The following MTCL3 variants were observed in gnomAD, a reference collection of about 807,000 sequenced individuals.
MTCL3 encodes MTCL family member 3.
chr6:127,508,110 G>A, the MTCL3 span, among the ~76,000 whole-genome samples: 2 of 152,042 alleles, frequency 1.3e-5, no homozygotes, highest in Non-Finnish European at 2.9e-5. Flanking sequence ...AAAATGTTAA[G>A]TAAACTACCA....
At chr6:127,480,470 A>G in the MTCL3 span, among the ~76,000 whole-genome samples, 1 of 152,252 alleles carries the variant, frequency 6.6e-6, no homozygotes, top group Non-Finnish European at 1.5e-5. Context: ...CAAATTAACA[A>G]AATGAAATAC....
At chr6:127,501,196 G>C in the MTCL3 span, among the ~76,000 whole-genome samples, 2 of 152,134 alleles carry the variant, frequency 1.3e-5, no homozygotes, top group African/African-American at 2.4e-5. Flanking sequence ...ATTAACACTA[G>C]TAGAATTAAA....
At chr6:127,515,394 TCTC>T in the MTCL3 span, 19 of 987,868 alleles carry the variant, frequency 1.9e-5, no homozygotes, top group Non-Finnish European at 2.7e-5. The surrounding 1 kb of genome is among the most constrained non-coding windows in gnomAD (Gnocchi z 4.3). Context: ...CCTTTCTTGT[TCTC>T]CTCCCTCTTC....
chr6:127,517,431 G>T, the MTCL3 span: 5 of 152,016 alleles, frequency 3.3e-5, no homozygotes, highest in African/African-American at 1.2e-4. Flanking sequence ...TTTCCCTTTT[G>T]GGAAATAATT....
chr6:127,473,344 T>C, the MTCL3 span: 7 of 1,546,690 alleles, frequency 4.5e-6, no homozygotes, highest in South Asian at 8.7e-5. Context: ...AAGAAAGTGA[T>C]GAAAATAATA....
the MTCL3 span, chr6:127,512,982 GT>G: frequency 6.2e-7 from 1 of 1,611,638 alleles, no homozygotes; most frequent in Non-Finnish European, 8.5e-7. Context: ...TTCATCTTCT[GT>G]TGTTGTTCTC....
the MTCL3 span, chr6:127,516,463 C>T: frequency 3.1e-6 from 5 of 1,599,694 alleles, no homozygotes; most frequent in African/African-American, 6.7e-5. Flanking sequence ...GATTGTCTGT[C>T]GCAGCGAACT....
the MTCL3 span, among the ~76,000 whole-genome samples, chr6:127,493,176 A>G: frequency 6.6e-6 from 1 of 152,230 alleles, no homozygotes; most frequent in Non-Finnish European, 1.5e-5. Context: ...GAGAAGAACA[A>G]TAACTTTAAA....
the MTCL3 span, among the ~76,000 whole-genome samples, chr6:127,487,989 GT>G: frequency 6.6e-6 from 1 of 152,130 alleles, no homozygotes; most frequent in Non-Finnish European, 1.5e-5. Flanking sequence ...AGCTGGTTCT[GT>G]CAACTACCAG....
chr6:127,513,918 A>T, the MTCL3 span, among the ~76,000 whole-genome samples: 136 of 152,370 alleles, frequency 8.9e-4, 1 homozygote, highest in East Asian at 0.019. Context: ...TGCTTAGTAC[A>T]TACTAAGCAC....
the MTCL3 span, chr6:127,512,863 G>A: frequency 1.3e-6 from 2 of 1,593,166 alleles, no homozygotes; most frequent in Non-Finnish European, 1.7e-6. Flanking sequence ...AAAATACATA[G>A]TACACCATGA....
At chr6:127,517,289 C>T in the MTCL3 span, among the ~76,000 whole-genome samples, 1 of 152,128 alleles carries the variant, frequency 6.6e-6, no homozygotes, top group African/African-American at 2.4e-5. Context: ...AAAATGCACC[C>T]AACTTCCTTT....
the MTCL3 span, chr6:127,482,779 A>G: frequency 1.7e-6 from 1 of 591,548 alleles, no homozygotes; most frequent in Non-Finnish European, 2.9e-6. This position sits in a 1 kb window ranked among gnomAD's most constrained non-coding sequence, Gnocchi z 4.1. Flanking sequence ...ATCTACAGCT[A>G]CATAATTGAT....
chr6:127,516,035 T>G, the MTCL3 span: 1 of 1,567,522 alleles, frequency 6.4e-7, no homozygotes, highest in Non-Finnish European at 8.6e-7. Context: ...CGCCAGCCCC[T>G]GGGCGGCGGC....
the MTCL3 span, among the ~76,000 whole-genome samples, chr6:127,492,170 G>C: frequency 6.6e-6 from 1 of 152,100 alleles, no homozygotes; most frequent in Non-Finnish European, 1.5e-5. Flanking sequence ...GCTGTTATCT[G>C]ACCATAAATA....
chr6:127,497,139 A>C, the MTCL3 span, among the ~76,000 whole-genome samples: 1 of 152,244 alleles, frequency 6.6e-6, no homozygotes, highest in Middle Eastern at 3.2e-3. Context: ...CTACAAAATC[A>C]CTGAATTGTA....
At chr6:127,475,667 G>A in the MTCL3 span, 1 of 1,590,414 alleles carries the variant, frequency 6.3e-7, no homozygotes, top group Non-Finnish European at 8.5e-7. The surrounding 1 kb of genome is among the most constrained non-coding windows in gnomAD (Gnocchi z 7.3). Flanking sequence ...CGGATGTTGC[G>A]CACCTCCTCC....
the MTCL3 span, among the ~76,000 whole-genome samples, chr6:127,503,905 G>A: frequency 6.6e-6 from 1 of 151,946 alleles, no homozygotes; most frequent in East Asian, 1.9e-4. Flanking sequence ...GAAACACCTT[G>A]CTTAATTACC....
At chr6:127,514,801 A>AT in the MTCL3 span, 1 of 1,598,214 alleles carries the variant, frequency 6.3e-7, no homozygotes, top group African/African-American at 1.3e-5. Context: ...GCCGCGCGCC[A>AT]TTGAGCCCCC....
Sources: allele counts gnomAD v4.1 joint callset (sites outside exome capture counted in the v4.1 genomes callset), GRCh38; gene constraint gnomAD v4.1.1; non-coding constraint Gnocchi (gnomAD v3.1); transcripts MANE v1.5; gene names NCBI Gene and HGNC (gene_info 2026-07-23, HGNC 2026-07-21).